HRH1: variants seen among roughly 807,000 people sequenced by gnomAD.
HRH1 encodes the protein histamine receptor H1, also known as histamine H1 receptor.
In HRH1, 6 loss-of-function variants were observed where a neutral mutation model predicts 10.3. The observed-to-expected ratio is 0.58, with a 90% CI of 0.32 to 1.15. The LOEUF is 1.15. Ranked by LOEUF, HRH1 falls within the 50% of genes most tolerant of loss-of-function variation. HRH1 has a pLI of 0.05. For synonymous variants in HRH1, 242 were observed against 236.7 expected, an observed-to-expected ratio of 1.02 and a Z score of -0.21; for missense variants, 514 against 615.3, an observed-to-expected ratio of 0.84 and a Z score of 1.74.
intron 1 of HRH1, among the ~76,000 whole-genome samples, chr3:11,147,613 A>G (rs1011133203): frequency 8.7e-5 from 13 of 149,500 alleles, no homozygotes; most frequent in Non-Finnish European, 1.2e-4. Flanking sequence ...GTAGGTGTAG[A>G]AAAAAAAAAG....
chr3:11,201,679 C>G (rs1311344013), intron 1 of HRH1, among the ~76,000 whole-genome samples: 3 of 152,168 alleles, frequency 2.0e-5, no homozygotes, highest in African/African-American at 7.2e-5. Context: ...TCTGAAAATT[C>G]CAGGTGTCAC....
chr3:11,207,007 C>T (rs892413410), intron 1 of HRH1, among the ~76,000 whole-genome samples: 2 of 152,074 alleles, frequency 1.3e-5, no homozygotes, highest in African/African-American at 4.8e-5. Flanking sequence ...GAAGGGCACA[C>T]TCGGTCTGAG....
At chr3:11,171,087 G>T (rs1937141652) in intron 1 of HRH1, among the ~76,000 whole-genome samples, 1 of 151,012 alleles carries the variant, frequency 6.6e-6, no homozygotes, top group Admixed American at 6.6e-5. Context: ...ACCAAGAGGA[G>T]TTGCAGTTGC....
intron 1 of HRH1, among the ~76,000 whole-genome samples, chr3:11,167,488 C>T (rs1396271937): frequency 1.6e-3 from 141 of 90,048 alleles, no homozygotes; most frequent in East Asian, 3.5e-3. Context: ...GTCCCCTGGC[C>T]TCTCCAGGCC....
chr3:11,238,168 ACAAT>A (rs1212752664), intron 1 of HRH1, among the ~76,000 whole-genome samples: 1 of 152,146 alleles, frequency 6.6e-6, no homozygotes, highest in Non-Finnish European at 1.5e-5. Flanking sequence ...GAGCAGACAA[ACAAT>A]CAAACAAGTT....
intron 1 of HRH1, among the ~76,000 whole-genome samples, chr3:11,205,921 A>C (rs1938108061): frequency 6.6e-6 from 1 of 151,820 alleles, no homozygotes; most frequent in Non-Finnish European, 1.5e-5. Context: ...CGGCCTCCCA[A>C]AGTGCTGAGA....
chr3:11,224,811 C>T (rs773318131), intron 1 of HRH1, among the ~76,000 whole-genome samples: 2 of 152,126 alleles, frequency 1.3e-5, no homozygotes, highest in African/African-American at 2.4e-5. Flanking sequence ...CCCAGAGCCT[C>T]ATCTGAAAAA....
At chr3:11,231,227 A>G (rs1016101525) in intron 1 of HRH1, among the ~76,000 whole-genome samples, 6 of 152,186 alleles carry the variant, frequency 3.9e-5, no homozygotes, top group Non-Finnish European at 5.9e-5. Context: ...TTGGTTGCTC[A>G]TTCACCCATC....
chr3:11,259,180 T>C lies in HRH1; in HGVS notation c.143T>C (p.Val48Ala), dbSNP rs769546559. The change falls in exon 2 of 2, where the codon GTG (valine) becomes GCG (alanine). Residue 48 changes from valine to alanine, a missense_variant. By Grantham distance (64) the Val-to-Ala change is moderately conservative (BLOSUM62 0). Transcript: ENST00000431010. This position sits in a 1 kb window ranked among gnomAD's most constrained non-coding sequence, Gnocchi z 4.6. ...GTCACAGTAGGGCTCAACCTGCTGG[T>C]GCTGTATGCCGTACGGAGTGAGCGG... ...CLVTVGLNLL[V>A]LYAVRSERKL... is the part of the protein sequence containing the mutation. 1 of 1,613,858 alleles carries C rather than the reference T, an allele frequency of 6.2e-7. No individual in the cohort carries two copies. The highest frequency in any genetic ancestry group is 8.5e-7 in the Non-Finnish European group (1 of 1,180,004).
At chr3:11,165,467 GT>G (rs1355851192) in intron 1 of HRH1, among the ~76,000 whole-genome samples, 2 of 152,070 alleles carry the variant, frequency 1.3e-5, no homozygotes, top group African/African-American at 4.8e-5. Context: ...GATTTAGGGG[GT>G]TTTTTTCCTC....
intron 1 of HRH1, among the ~76,000 whole-genome samples, chr3:11,240,903 T>C (rs1939319259): frequency 6.6e-6 from 1 of 152,184 alleles, no homozygotes; most frequent in African/African-American, 2.4e-5. Flanking sequence ...AGCCTACAAA[T>C]GATGAAGAGG....
At chr3:11,248,616 T>A (rs1278319899) in intron 1 of HRH1, among the ~76,000 whole-genome samples, 1 of 152,210 alleles carries the variant, frequency 6.6e-6, no homozygotes, top group Admixed American at 6.5e-5. Flanking sequence ...AACAAGGGCA[T>A]ACTGATTGGT....
At chr3:11,257,113 C>T (rs1027701045) in intron 1 of HRH1, among the ~76,000 whole-genome samples, 3 of 150,564 alleles carry the variant, frequency 2.0e-5, no homozygotes, top group Non-Finnish European at 3.0e-5. Context: ...ATTAGCTGGG[C>T]GTGGTGGTGG....
At chr3:11,157,614 G>T (rs7618407) in intron 1 of HRH1, among the ~76,000 whole-genome samples, 3 of 152,176 alleles carry the variant, frequency 2.0e-5, no homozygotes, top group East Asian at 1.9e-4. Flanking sequence ...GCTGTCGGAG[G>T]GGGGGCCAGG....
intron 1 of HRH1, among the ~76,000 whole-genome samples, chr3:11,215,844 T>C (rs898334838): frequency 1.3e-5 from 2 of 152,350 alleles, no homozygotes; most frequent in East Asian, 3.9e-4. Context: ...TAATACACAG[T>C]TGTCTTTTTA....
chr3:11,197,112 G>A (rs569846588), intron 1 of HRH1, among the ~76,000 whole-genome samples: 6 of 138,652 alleles, frequency 4.3e-5, no homozygotes, highest in Non-Finnish European at 6.1e-5. Flanking sequence ...GCTACAGAGC[G>A]AGACTCCATC....
At chr3:11,183,722 C>CT (rs1251006297) in intron 1 of HRH1, among the ~76,000 whole-genome samples, 4,626 of 142,914 alleles carry the variant, frequency 0.032, 142 homozygotes, top group African/African-American at 0.087. Context: ...CTGGAAATTT[C>CT]TTTTTTTTTT....
At chr3:11,255,875 G>T (rs1182402429) in intron 1 of HRH1, among the ~76,000 whole-genome samples, 1 of 152,206 alleles carries the variant, frequency 6.6e-6, no homozygotes, top group Admixed American at 6.5e-5. Flanking sequence ...TTCCCAACTT[G>T]ACTTTTCCCT....
intron 1 of HRH1, among the ~76,000 whole-genome samples, chr3:11,249,287 C>T (rs1398192956): frequency 6.6e-6 from 1 of 151,486 alleles, no homozygotes; most frequent in African/African-American, 2.4e-5. Flanking sequence ...CCTGTAGTCC[C>T]AGCTACTCGG....
Sources: allele counts gnomAD v4.1 joint callset (sites outside exome capture counted in the v4.1 genomes callset), GRCh38; gene constraint gnomAD v4.1.1; non-coding constraint Gnocchi (gnomAD v3.1); transcripts MANE v1.5; gene names NCBI Gene and HGNC (gene_info 2026-07-23, HGNC 2026-07-21).